The following PSMA8 variants were observed in gnomAD, a reference collection of about 807,000 sequenced individuals.
The protein encoded by PSMA8 is proteasome 20S subunit alpha 8.
A neutral mutation model predicts 32.4 loss-of-function variants in PSMA8; 18 were observed. The ratio of observed to expected loss-of-function variants is 0.56; its 90% CI spans 0.38 to 0.82. PSMA8 has a LOEUF of 0.82. Among genes scored for constraint, PSMA8 ranks in the 40% least tolerant of loss-of-function variants. PSMA8 has a pLI of 0.00. For missense variants in PSMA8, 298 were observed against 300.7 expected (o/e 0.99, Z 0.07); for synonymous variants, 104 against 98.1 (o/e 1.06, Z -0.36).
At chr18:26,141,504 G>T (rs2054955563) in intron 1 of PSMA8, among the ~76,000 whole-genome samples, 1 of 151,936 alleles carries the variant, frequency 6.6e-6, no homozygotes, top group Admixed American at 6.6e-5. Flanking sequence ...ATGTTAAATT[G>T]TTACAATATC....
intron 1 of PSMA8, among the ~76,000 whole-genome samples, chr18:26,135,735 T>C (rs1018359841): frequency 2.0e-5 from 3 of 152,162 alleles, no homozygotes; most frequent in South Asian, 2.1e-4. Context: ...AGAAACCACA[T>C]TGGCTCATTT....
intron 2 of PSMA8, among the ~76,000 whole-genome samples, chr18:26,150,477 A>G (rs1287292871): frequency 6.6e-6 from 1 of 152,110 alleles, no homozygotes; most frequent in East Asian, 1.9e-4. Flanking sequence ...AGCTAGGACT[A>G]CAGGCATGTG....
intron 2 of PSMA8, among the ~76,000 whole-genome samples, chr18:26,147,975 A>T (rs182575349): frequency 6.6e-6 from 1 of 152,292 alleles, no homozygotes; most frequent in South Asian, 2.1e-4. Context: ...ACCTTGCTCA[A>T]TAAGATATAT....
chr18:26,159,512 TTAC>T (rs2055118385), intron 4 of PSMA8, among the ~76,000 whole-genome samples: 1 of 152,058 alleles, frequency 6.6e-6, no homozygotes, highest in Non-Finnish European at 1.5e-5. Context: ...ACAAACCAAG[TTAC>T]TACACTCAAT....
chr18:26,178,662 A>G (rs2055283714), intron 4 of PSMA8, among the ~76,000 whole-genome samples, 168 bp from the exon 5 acceptor site: 1 of 152,252 alleles, frequency 6.6e-6, no homozygotes, highest in African/African-American at 2.4e-5. Flanking sequence ...TTCTGATAGT[A>G]ACCAAATGAG....
chr18:26,172,697 G>GA (rs1568066430), intron 4 of PSMA8, among the ~76,000 whole-genome samples: 1 of 151,530 alleles, frequency 6.6e-6, no homozygotes. Flanking sequence ...AAAAAAAAAA[G>GA]AAAAGCCTCT....
intron 2 of PSMA8, among the ~76,000 whole-genome samples, chr18:26,148,146 G>T (rs1397744823): frequency 1.3e-5 from 2 of 152,058 alleles, no homozygotes; most frequent in Non-Finnish European, 2.9e-5. Flanking sequence ...AAAAAGTTAA[G>T]GAGTAAACAC....
intron 4 of PSMA8, among the ~76,000 whole-genome samples, chr18:26,164,458 A>G (rs908009243): frequency 1.1e-4 from 16 of 152,364 alleles, no homozygotes; most frequent in Non-Finnish European, 2.1e-4. Context: ...AGCATCTCCT[A>G]TAAGAGGATA....
At chr18:26,185,698 G>A (rs960423198) in intron 6 of PSMA8, among the ~76,000 whole-genome samples, 1 of 150,894 alleles carries the variant, frequency 6.6e-6, no homozygotes, top group African/African-American at 2.4e-5. Context: ...AATGTCTTCA[G>A]AGTCTGAAAT....
In PSMA8 at chr18:26,134,002, T is replaced by TC. The variant is rs1184715494; in HGVS notation, c.41dup (p.Asp15ArgfsTer8). The TC allele has an allele frequency of 1.2e-6, 2 of 1,614,072 alleles. No homozygotes were observed. The highest frequency in any genetic ancestry group is 1.7e-6 in the Non-Finnish European group (2 of 1,179,964). On this transcript the variant is annotated frameshift_variant, in exon 1 of 7. Transcript: ENST00000415576. LOFTEE classifies it high-confidence loss of function. ...ATATGACAGGGCGATCACTGTCTTC[T>TC]CCCCAGACGGACACCTTTTTCAAGT...
At chr18:26,160,994 C>T (rs1011164284) in intron 4 of PSMA8, among the ~76,000 whole-genome samples, 3 of 152,158 alleles carry the variant, frequency 2.0e-5, no homozygotes, top group Non-Finnish European at 2.9e-5. Flanking sequence ...CTCCCTGGTC[C>T]TATTGTATAA....
Position 26,185,723 on chromosome 18 carries a change from T to C in PSMA8, c.660+6593T>C, listed in dbSNP as rs777279816. Among the ~76,000 whole-genome samples the C allele has an allele frequency of 2.0e-4, 30 of 150,954 alleles. 1 individual carries two copies. The highest frequency in any genetic ancestry group is 8.8e-5 in the Non-Finnish European group (6 of 67,800). On this transcript the variant is annotated intron_variant, in intron 6 of 6. Coordinates refer to ENST00000415576, the MANE Select transcript of PSMA8 (RefSeq NM_001025096.2). ...GAGTCTGAAATTGCTTAATTGAAAA[T>C]TATTTTAAAATAGACTTGCGTCTGG... is the stretch of plus-strand genomic sequence containing the variant.
intron 6 of PSMA8, among the ~76,000 whole-genome samples, chr18:26,180,812 C>T (rs772721656): frequency 3.0e-4 from 45 of 152,022 alleles, no homozygotes; most frequent in Non-Finnish European, 6.2e-4. Context: ...CCACATGATA[C>T]TTTAGGATAG....
intron 4 of PSMA8, among the ~76,000 whole-genome samples, chr18:26,161,620 C>T (rs1472370874): frequency 6.6e-6 from 1 of 152,212 alleles, no homozygotes; most frequent in Non-Finnish European, 1.5e-5. Flanking sequence ...TGGCAGTAGT[C>T]CTAGCTACTT....
chr18:26,142,299 C>A (rs555606637), intron 1 of PSMA8, among the ~76,000 whole-genome samples: 2 of 151,944 alleles, frequency 1.3e-5, no homozygotes, highest in South Asian at 4.1e-4. Flanking sequence ...TCGGCCTCCC[C>A]AATAATGCTA....
At chr18:26,158,818 T>C (rs939957453) in intron 4 of PSMA8, among the ~76,000 whole-genome samples, 20 of 152,138 alleles carry the variant, frequency 1.3e-4, no homozygotes, top group African/African-American at 4.6e-4. Flanking sequence ...TACAAAAGTA[T>C]AGGGCTCAGC....
At chr18:26,167,260 C>A (rs148112587) in intron 4 of PSMA8, among the ~76,000 whole-genome samples, 1 of 152,256 alleles carries the variant, frequency 6.6e-6, no homozygotes, top group East Asian at 1.9e-4. Flanking sequence ...TTTCTAACTA[C>A]ATGTTTGTGT....
intron 6 of PSMA8, among the ~76,000 whole-genome samples, chr18:26,192,090 C>T (rs1156928290): frequency 6.6e-6 from 1 of 152,076 alleles, no homozygotes; most frequent in Non-Finnish European, 1.5e-5. Context: ...ACCTTTTGTC[C>T]TGCTTTCTTT....
At chr18:26,140,040 G>A (rs1347935305) in intron 1 of PSMA8, 1 of 702,686 alleles carries the variant, frequency 1.4e-6, no homozygotes, top group Non-Finnish European at 2.6e-6. Context: ...TTCTTCCTTT[G>A]GTAGTATCAT....
Sources: allele counts gnomAD v4.1 joint callset (sites outside exome capture counted in the v4.1 genomes callset), GRCh38; gene constraint gnomAD v4.1.1; transcripts MANE v1.5; gene names NCBI Gene and HGNC (gene_info 2026-07-23, HGNC 2026-07-21).